Variants in SPC25 observed in about 807,000 individuals in gnomAD.
SPC25 encodes the protein kinetochore protein Spc25.
Under a neutral mutation model 29.6 loss-of-function variants are expected in SPC25, and 22 were observed. The observed-to-expected ratio is 0.74, with a 90% CI of 0.53 to 1.06. The LOEUF is 1.06. Among genes scored for constraint, SPC25 ranks in the 50% least tolerant of loss-of-function variants. The pLI is 0.00. For synonymous variants in SPC25, 91 were observed against 90.4 expected, an observed-to-expected ratio of 1.01 and a Z score of -0.04; for missense variants, 230 against 255.8, an observed-to-expected ratio of 0.90 and a Z score of 0.69.
intron 4 of SPC25, chr2:168,864,789 G>A (rs202072618): frequency 2.5e-4 from 401 of 1,608,514 alleles, no homozygotes; most frequent in Non-Finnish European, 3.3e-4. Flanking sequence ...GCTGAGGCAT[G>A]TGTTCACATC....
At chr2:168,885,012 T>G (rs546823224) in intron 3 of SPC25, 5 of 152,196 alleles carry the variant, frequency 3.3e-5, no homozygotes, top group Admixed American at 3.3e-4. Flanking sequence ...CACTAAAGAC[T>G]CACAAATCCC....
chr2:168,882,439 T>C (rs2105831537), intron 3 of SPC25, among the ~76,000 whole-genome samples: 1 of 152,278 alleles, frequency 6.6e-6, no homozygotes, highest in East Asian at 1.9e-4. Context: ...ACCTCGTCTC[T>C]GCTAAAAATA....
At chr2:168,888,714 T>C (rs370932324) in intron 3 of SPC25, among the ~76,000 whole-genome samples, 10 of 151,684 alleles carry the variant, frequency 6.6e-5, no homozygotes, top group Admixed American at 3.3e-4. Context: ...TAAGCACATG[T>C]ATATGTGTTA....
chr2:168,864,331 G>A (rs1370242947), intron 4 of SPC25, among the ~76,000 whole-genome samples: 29 of 151,250 alleles, frequency 1.9e-4, no homozygotes, highest in Admixed American at 1.9e-3. Context: ...CTGTTGCCCA[G>A]GCTAGAGTGC....
At chr2:168,883,079 T>C (rs1366263458) in intron 3 of SPC25, among the ~76,000 whole-genome samples, 2 of 152,066 alleles carry the variant, frequency 1.3e-5, no homozygotes, top group Non-Finnish European at 2.9e-5. Flanking sequence ...ATAAAAATTA[T>C]TTTTCAGTAT....
chr2:168,863,476 G>T (rs1689612862), intron 4 of SPC25: 1 of 985,292 alleles, frequency 1.0e-6, no homozygotes, highest in African/African-American at 1.7e-5. Flanking sequence ...GGGGGCAGAT[G>T]ATCCTGAAGG....
chr2:168,889,013 A>T (rs377550710), intron 3 of SPC25, among the ~76,000 whole-genome samples: 1 of 62,014 alleles, frequency 1.6e-5, no homozygotes, highest in African/African-American at 6.8e-5. Context: ...ACATATATGT[A>T]TATATATACA....
intron 6 of SPC25, among the ~76,000 whole-genome samples, chr2:168,873,252 C>G (rs565710634): frequency 6.6e-6 from 1 of 152,190 alleles, no homozygotes; most frequent in South Asian, 2.1e-4. Flanking sequence ...ATTTAAGCAG[C>G]CATTTTCTTT....
At chr2:168,876,515 T>G (rs973031442) in intron 4 of SPC25, among the ~76,000 whole-genome samples, 5 of 152,018 alleles carry the variant, frequency 3.3e-5, no homozygotes, top group African/African-American at 9.7e-5. Context: ...AGATAACCAA[T>G]TGCTTCATGG....
At chr2:168,886,444 G>A (rs1690263489) in intron 3 of SPC25, among the ~76,000 whole-genome samples, 1 of 152,036 alleles carries the variant, frequency 6.6e-6, no homozygotes. Flanking sequence ...TCTCCTTAGT[G>A]GTGGGCAATA....
intron 4 of SPC25, chr2:168,864,697 G>C (rs897496044): frequency 1.1e-6 from 1 of 879,832 alleles, no homozygotes; most frequent in African/African-American, 1.7e-5. Context: ...GATACATTTG[G>C]CTTCATCTGA....
chr2:168,887,366 G>A (rs1388020092), intron 3 of SPC25, among the ~76,000 whole-genome samples: 1 of 150,966 alleles, frequency 6.6e-6, no homozygotes, highest in East Asian at 2.0e-4. Flanking sequence ...AGGTTGCAGT[G>A]AGCCGAGATC....
chr2:168,865,168 G>C (rs577581210), intron 4 of SPC25: 1 of 600,546 alleles, frequency 1.7e-6, no homozygotes, highest in African/African-American at 1.9e-5. Context: ...AGACAGACAA[G>C]GAAGAGGCTC....
intron 3 of SPC25, 51 bp downstream of exon 3, chr2:168,889,175 T>G (rs542086231): frequency 6.6e-7 from 1 of 1,512,014 alleles, no homozygotes; most frequent in South Asian, 1.2e-5. Context: ...GATTTCATGA[T>G]AAAGATGTTT....
At chr2:168,861,968 G>A in intron 4 of SPC25, 1 of 1,614,110 alleles carries the variant, frequency 6.2e-7, no homozygotes, top group African/African-American at 1.3e-5. Context: ...AGCCCCTGGT[G>A]CAGCCCAGCT....
intron 5 of SPC25, among the ~76,000 whole-genome samples, 163 bp downstream of exon 5, chr2:168,875,909 C>T (rs1331575247): frequency 6.6e-6 from 1 of 152,080 alleles, no homozygotes; most frequent in African/African-American, 2.4e-5. Flanking sequence ...ACTACAGCAT[C>T]AGTAGCTACA....
intron 3 of SPC25, among the ~76,000 whole-genome samples, chr2:168,881,140 C>G (rs1690172225): frequency 6.6e-6 from 1 of 152,126 alleles, no homozygotes; most frequent in African/African-American, 2.4e-5. Flanking sequence ...TATCCATGTA[C>G]CAAAATACTG....
intron 4 of SPC25, among the ~76,000 whole-genome samples, chr2:168,862,944 A>G (rs761123987): frequency 3.3e-5 from 5 of 152,108 alleles, no homozygotes; most frequent in Non-Finnish European, 5.9e-5. Flanking sequence ...GACACCACAC[A>G]TTTGCTATTT....
At chr2:168,870,426 C>T (rs1386114951), downstream of SPC25, among the ~76,000 whole-genome samples, 6 of 151,020 alleles carry the variant, frequency 4.0e-5, no homozygotes, top group African/African-American at 9.7e-5. Flanking sequence ...AGGCAACCTA[C>T]AGAATGGGAG....
Sources: gnomAD v4.1 joint callset for allele counts (sites outside exome capture counted in the v4.1 genomes callset) on GRCh38, gnomAD v4.1.1 for gene constraint, MANE v1.5 for transcripts, NCBI Gene and HGNC (gene_info 2026-07-23, HGNC 2026-07-21) for gene names.